The following IL1RAPL2 variants were observed in gnomAD, a reference collection of about 807,000 sequenced individuals.
The protein encoded by IL1RAPL2 is X-linked interleukin-1 receptor accessory protein-like 2.
Under a neutral mutation model 44.1 loss-of-function variants are expected in IL1RAPL2, and 3 were observed. The observed-to-expected ratio is 0.07, with a 90% CI of 0.03 to 0.18. The LOEUF (loss-of-function observed/expected upper bound fraction) is 0.18, where lower values mean the gene tolerates loss of function less well. Among genes scored for constraint, IL1RAPL2 ranks in the 10% least tolerant of loss-of-function variants. The pLI is 1.00. For synonymous variants in IL1RAPL2, 181 were observed against 178.8 expected, an observed-to-expected ratio of 1.01 and a Z score of -0.10; for missense variants, 391 against 496.4, an observed-to-expected ratio of 0.79 and a Z score of 2.02.
chrX:104,894,730 A>C (rs189666701), intron 2 of IL1RAPL2, among the ~76,000 whole-genome samples: 84 of 111,946 alleles, frequency 7.5e-4, no homozygotes, highest in African/African-American at 2.5e-3. Flanking sequence ...AATGGTTTCA[A>C]ACTTCCTCCT....
chrX:104,616,493 G>T (rs1241549993), intron 1 of IL1RAPL2, among the ~76,000 whole-genome samples: 1 of 112,092 alleles, frequency 8.9e-6, no homozygotes, highest in African/African-American at 3.2e-5. Context: ...ACTAACATTA[G>T]CCACAAGATT....
At chrX:105,665,620 T>C (rs774421110) in intron 6 of IL1RAPL2, among the ~76,000 whole-genome samples, 22 of 111,690 alleles carry the variant, frequency 2.0e-4, no homozygotes, top group Non-Finnish European at 3.6e-4. Context: ...TAAATTTCAC[T>C]GTAAATTGTT....
At chrX:104,835,438 C>T (rs1334035152) in intron 2 of IL1RAPL2, among the ~76,000 whole-genome samples, 1 of 111,752 alleles carries the variant, frequency 8.9e-6, no homozygotes, top group African/African-American at 3.2e-5. Flanking sequence ...TGGCTCCGCC[C>T]TATGTGGCCA....
intron 2 of IL1RAPL2, among the ~76,000 whole-genome samples, chrX:105,144,017 A>G (rs183403468): frequency 5.8e-4 from 59 of 100,909 alleles, no homozygotes; most frequent in African/African-American, 2.4e-3. Context: ...TAAACAAAAT[A>G]AAAAAAAAAT....
chrX:105,034,894 T>C (rs2031594356), intron 2 of IL1RAPL2, among the ~76,000 whole-genome samples: 2 of 109,243 alleles, frequency 1.8e-5, no homozygotes, highest in African/African-American at 6.7e-5. Context: ...CTCCACCCAG[T>C]TCGAGCTTCC....
intron 6 of IL1RAPL2, among the ~76,000 whole-genome samples, chrX:105,625,884 A>G (rs2037449833): frequency 1.8e-5 from 2 of 112,159 alleles, no homozygotes; most frequent in African/African-American, 6.5e-5. Flanking sequence ...ACAAATATTT[A>G]GAGATTCATT....
chrX:104,572,082 G>C (rs1458564195), intron 1 of IL1RAPL2, among the ~76,000 whole-genome samples: 1 of 111,781 alleles, frequency 8.9e-6, no homozygotes, highest in Non-Finnish European at 1.9e-5. Flanking sequence ...TGTTGTGCTT[G>C]CTTTATACTT....
At chrX:105,557,991 T>C (rs1253973440) in intron 6 of IL1RAPL2, among the ~76,000 whole-genome samples, 3 of 110,729 alleles carry the variant, frequency 2.7e-5, no homozygotes, top group South Asian at 7.7e-4. Context: ...AGTAAAGGGA[T>C]TTGCTCCTTC....
chrX:105,411,315 A>G (rs765542516), intron 5 of IL1RAPL2, among the ~76,000 whole-genome samples: 15 of 111,810 alleles, frequency 1.3e-4, no homozygotes, highest in Non-Finnish European at 2.5e-4. Flanking sequence ...GTACCTATCA[A>G]TAATAACCTT....
At chrX:105,533,138 A>C (rs2036651068) in intron 6 of IL1RAPL2, among the ~76,000 whole-genome samples, 1 of 111,285 alleles carries the variant, frequency 9.0e-6, no homozygotes, top group South Asian at 3.8e-4. Flanking sequence ...TGCAGTGAGC[A>C]GAGAGCATGC....
chrX:105,238,291 A>G (rs2034139173), intron 4 of IL1RAPL2, among the ~76,000 whole-genome samples: 1 of 112,443 alleles, frequency 8.9e-6, no homozygotes, highest in African/African-American at 3.2e-5. Context: ...TTTAGGCCTA[A>G]CTTAAAATAT....
intron 2 of IL1RAPL2, among the ~76,000 whole-genome samples, chrX:105,054,000 G>A (rs188042465): frequency 9.0e-5 from 10 of 110,677 alleles, no homozygotes; most frequent in East Asian, 5.7e-4. Flanking sequence ...ACTCTGTCTC[G>A]AAAAATAAAA....
chrX:104,893,221 A>T (rs760638733), intron 2 of IL1RAPL2, among the ~76,000 whole-genome samples: 1 of 111,894 alleles, frequency 8.9e-6, no homozygotes, highest in South Asian at 3.7e-4. Context: ...CTATTTGGTC[A>T]ATTTTAGAAT....
chrX:105,159,982 A>AC (rs200123489), intron 2 of IL1RAPL2, among the ~76,000 whole-genome samples: 3,630 of 72,830 alleles, frequency 0.05, 233 homozygotes, highest in African/African-American at 0.14. Flanking sequence ...GACTTAAAGA[A>AC]CCCCCCCCCC....
At chrX:104,659,973 T>C (rs938256246) in intron 2 of IL1RAPL2, among the ~76,000 whole-genome samples, 9 of 111,789 alleles carry the variant, frequency 8.1e-5, no homozygotes, top group Non-Finnish European at 9.4e-5. Context: ...TTGTCTTCAA[T>C]TGATAGCATA....
intron 2 of IL1RAPL2, among the ~76,000 whole-genome samples, chrX:104,995,136 C>A (rs961106261): frequency 2.8e-4 from 31 of 111,627 alleles, no homozygotes; most frequent in South Asian, 1.5e-3. Context: ...CTTTATTCTT[C>A]TTCATAGCCC....
At chrX:105,056,971 C>T (rs767632614) in intron 2 of IL1RAPL2, among the ~76,000 whole-genome samples, 34 of 111,150 alleles carry the variant, frequency 3.1e-4, no homozygotes, top group Admixed American at 2.6e-3. Flanking sequence ...GCATCTCCTG[C>T]TCTGTAGAGT....
At chrX:104,597,310 C>T (rs965504960) in intron 1 of IL1RAPL2, among the ~76,000 whole-genome samples, 9 of 99,796 alleles carry the variant, frequency 9.0e-5, no homozygotes, top group Non-Finnish European at 1.8e-4. Flanking sequence ...GGCCACTGCA[C>T]GCCAGCCTGG....
At chrX:105,587,668 G>T (rs1414283543) in intron 6 of IL1RAPL2, among the ~76,000 whole-genome samples, 1 of 111,595 alleles carries the variant, frequency 9.0e-6, no homozygotes, top group Non-Finnish European at 1.9e-5. Flanking sequence ...GGTATGTGAT[G>T]TTGTCATTAT....
Sources: gnomAD v4.1 joint callset for allele counts (sites outside exome capture counted in the v4.1 genomes callset) on GRCh38, gnomAD v4.1.1 for gene constraint, MANE v1.5 for transcripts, NCBI Gene and HGNC (gene_info 2026-07-23, HGNC 2026-07-21) for gene names.